Variants in DNAH9 observed in about 807,000 individuals in gnomAD.
DNAH9 encodes DNAH9 variant protein.
DNAH9 carries 345 observed loss-of-function variants against 471.6 expected under a neutral mutation model. That is an observed-to-expected ratio of 0.73 (90% CI 0.67 to 0.80). The LOEUF is 0.80. DNAH9 is among the 30% of genes least tolerant of loss of function. DNAH9 has a pLI of 0.00. For synonymous variants in DNAH9, 2,093 were observed against 2,123.6 expected, an observed-to-expected ratio of 0.99 and a Z score of 0.40; for missense variants, 5,407 against 5,609.2, an observed-to-expected ratio of 0.96 and a Z score of 1.15.
At position 11,719,503 on chromosome 17, in the gene DNAH9, C is replaced by G; in HGVS notation, c.5709+13C>G. The G allele has an allele frequency of 6.2e-7, 1 of 1,601,812 alleles. No homozygotes were observed. The highest frequency in any genetic ancestry group is 8.5e-7 in the Non-Finnish European group (1 of 1,172,936). On this transcript the variant is annotated intron_variant, in intron 27 of 68. Transcript: ENST00000262442. ...GATGGATTACAAGGTACAGTTCCAC[C>G]CGGCTTCCTGGGGGTGGGGGTGGGG...
chr17:11,894,595 C>A, intron 59 of DNAH9, 99 bp downstream of exon 59: 1 of 1,494,724 alleles, frequency 6.7e-7, no homozygotes, highest in Non-Finnish European at 9.1e-7. Flanking sequence ...TGTTGGAGTT[C>A]AAGCATGGAG....
rs757009043 is a variant in DNAH9 at position 11,763,423 on chromosome 17, C to T, written c.6996-17C>T. 5 of 1,610,908 alleles carry T rather than the reference C, an allele frequency of 3.1e-6. No individual in the cohort carries two copies. Among genetic ancestry groups the T allele is most frequent in the South Asian group, 1.1e-5 (1 of 90,638 alleles). ...ATATCCTCTGTGTTTCAGATCCCCT[C>T]GGGTCTCTCTTTGCAGGTTTAAGAA... On this transcript the variant is annotated splice_polypyrimidine_tract_variant and intron_variant, in intron 35 of 68. Transcript: ENST00000262442.
At chr17:11,786,085 G>A (rs1375539779) in intron 41 of DNAH9, among the ~76,000 whole-genome samples, 8 of 150,184 alleles carry the variant, frequency 5.3e-5, no homozygotes, top group Non-Finnish European at 3.0e-5. Context: ...TTTTTCAAAT[G>A]AAAAAAAAAA....
Position 11,763,543 on chromosome 17 carries a change from A to G in DNAH9, c.7099A>G (p.Lys2367Glu). 6.2e-7 allele frequency: 1 copy of G among 1,614,112 alleles called. No individual in the cohort carries two copies. The highest frequency in any genetic ancestry group is 8.5e-7 in the Non-Finnish European group (1 of 1,179,982). The change falls in exon 36 of 69, where the codon AAG (lysine) becomes GAG (glutamate). Residue 2367 changes from lysine to glutamate, a missense_variant. Physicochemically the swap from Lys to Glu is moderately conservative, Grantham distance 56. Transcript: ENST00000262442. ...TTEDIPADCP[K>E]EIYEHYFVFA... ...GGAGGACATCCCTGCAGACTGCCCT[A>G]AGGAAATTTATGAGCATTATTTTGT...
At chr17:11,647,487 G>T (rs1457717313) in intron 12 of DNAH9, among the ~76,000 whole-genome samples, 2 of 152,092 alleles carry the variant, frequency 1.3e-5, no homozygotes, top group Non-Finnish European at 2.9e-5. Context: ...CTGGGGTGTA[G>T]TGTTTTATTA....
chr17:11,618,756 T>C (rs12949619), intron 5 of DNAH9, among the ~76,000 whole-genome samples: 14,795 of 152,176 alleles, frequency 0.097, 1,349 homozygotes, highest in African/African-American at 0.24. Flanking sequence ...TCATGATTTC[T>C]ATCAATCATC....
At position 11,847,991 on chromosome 17, in the gene DNAH9, T is replaced by G. The variant is rs990517094; in HGVS notation, c.9508-6012T>G. Among the ~76,000 whole-genome samples the G allele has an allele frequency of 8.5e-5, 13 of 152,132 alleles. 1 individual carries two copies. The highest frequency in any genetic ancestry group is 1.9e-4 in the East Asian group (1 of 5,154). ...GGCTCTCTGTCTCTGTCTCTCCAGG[T>G]TCTGCTAACCCCTCCTCTCCCTTTT... On this transcript the variant is annotated intron_variant, in intron 49 of 68. Transcript: ENST00000262442.
At chr17:11,782,356 CA>C (rs373171341) in intron 39 of DNAH9, among the ~76,000 whole-genome samples, 13 of 152,120 alleles carry the variant, frequency 8.5e-5, no homozygotes, top group African/African-American at 3.1e-4. Context: ...TATTTCATTC[CA>C]TCTTCCCTCT....
intron 59 of DNAH9, among the ~76,000 whole-genome samples, chr17:11,901,752 A>G (rs920624899): frequency 2.6e-5 from 4 of 152,182 alleles, no homozygotes; most frequent in African/African-American, 9.7e-5. Context: ...GAGCTAAAAT[A>G]TATATCTGTC....
At chr17:11,833,600 ATTG>A (rs1230348077) in intron 48 of DNAH9, among the ~76,000 whole-genome samples, 27 of 152,144 alleles carry the variant, frequency 1.8e-4, no homozygotes, top group Admixed American at 1.8e-3. Context: ...GAAATTGTTT[ATTG>A]TTAATCAAGT....
intron 66 of DNAH9, among the ~76,000 whole-genome samples, chr17:11,941,688 A>G (rs1041670229): frequency 7.6e-5 from 11 of 144,144 alleles, no homozygotes; most frequent in Non-Finnish European, 4.6e-5. Context: ...AACTGAGTGG[A>G]TGACCGGATA....
intron 17 of DNAH9, among the ~76,000 whole-genome samples, chr17:11,671,642 G>T (rs4791473): frequency 0.78 from 118,939 of 152,064 alleles, 47,151 homozygotes; most frequent in East Asian, 1. Flanking sequence ...TAGTTGGTTT[G>T]CATATGGAAA....
chr17:11,601,779 T>A (rs1332910798), intron 1 of DNAH9, among the ~76,000 whole-genome samples: 1 of 152,074 alleles, frequency 6.6e-6, no homozygotes, highest in Non-Finnish European at 1.5e-5. Context: ...AGTCTCTGAT[T>A]ACCTGCTCCC....
In DNAH9 at chr17:11,854,431, G is replaced by A. The variant is rs1971548999; in HGVS notation, c.9933+3G>A. The A allele has an allele frequency of 3.7e-6, 6 of 1,609,382 alleles. No homozygotes were observed. Among genetic ancestry groups the A allele is most frequent in the Non-Finnish European group, 5.1e-6 (6 of 1,177,444 alleles). On this transcript the variant is annotated splice_donor_region_variant and intron_variant, in intron 50 of 68. Transcript: ENST00000262442. ...CTGCCATCAAAGCCAAGATCGCTGTGAGTGACCCCAGAGCCCCTCACCCTG... is the reference window on the plus strand; with the variant it reads ...CTGCCATCAAAGCCAAGATCGCTGTAAGTGACCCCAGAGCCCCTCACCCTG...
At chr17:11,942,896 C>CTTTTTTT (rs71142257) in intron 67 of DNAH9, among the ~76,000 whole-genome samples, 1 of 127,914 alleles carries the variant, frequency 7.8e-6, no homozygotes, top group African/African-American at 3.0e-5. Context: ...CTTGTTTTTT[C>CTTTTTTT]TTTTTTTTTT....
Position 11,698,171 on chromosome 17 carries a change from T to TAATTATATTAA in DNAH9, c.4873-1560_4873-1559insAATTATATTAA, listed in dbSNP as rs1555568204. Among the ~76,000 whole-genome samples, 3 of 8,698 alleles carry TAATTATATTAA rather than the reference T, an allele frequency of 3.4e-4. No homozygotes were observed. The Admixed American group carries it at 8.8e-3, about 26-fold the overall frequency. 5.7% of individuals were successfully genotyped at this position (8,698 alleles called of 152,430 possible). On this transcript the variant is annotated intron_variant, in intron 22 of 68. Transcript: ENST00000262442. Reference sequence around the variant, plus strand: ...ATTATATTATTAATATATTATTATATTAATATATTATTATATTAATATAAT... The same window carrying TAATTATATTAA: ...ATTATATTATTAATATATTATTATATAATTATATTAATAATATATTATTATATTAATATAAT...
In DNAH9 at chr17:11,932,607, G is replaced by C. The variant is rs1974557711; in HGVS notation, c.12297+402G>C. Among the ~76,000 whole-genome samples, 1 of 152,314 alleles carries C rather than the reference G, an allele frequency of 6.6e-6. No individual in the cohort carries two copies. Among genetic ancestry groups the C allele is most frequent in the Non-Finnish European group, 1.5e-5 (1 of 68,026 alleles). On this transcript the variant is annotated intron_variant, in intron 64 of 68. Transcript: ENST00000262442. This position sits in a 1 kb window ranked among gnomAD's most constrained non-coding sequence, Gnocchi z 4.3. ...AGGGATGATGCAGTGCTATCCTACAGAAGGGGCATGAGCACACAGAAGGGC... is the reference window on the plus strand; with the variant it reads ...AGGGATGATGCAGTGCTATCCTACACAAGGGGCATGAGCACACAGAAGGGC...
At chr17:11,838,454 C>T (rs58666134) in intron 49 of DNAH9, among the ~76,000 whole-genome samples, 5 of 151,868 alleles carry the variant, frequency 3.3e-5, no homozygotes, top group Non-Finnish European at 5.9e-5. Context: ...AACTGCCTGG[C>T]CAGGTAGGAA....
chr17:11,870,716 G>A (rs563417058), intron 51 of DNAH9, among the ~76,000 whole-genome samples: 24 of 152,202 alleles, frequency 1.6e-4, no homozygotes, highest in Admixed American at 9.2e-4. Flanking sequence ...TGAACTTAGC[G>A]CAGCCTTCTC....
Sources: allele counts gnomAD v4.1 joint callset (sites outside exome capture counted in the v4.1 genomes callset), GRCh38; gene constraint gnomAD v4.1.1; non-coding constraint Gnocchi (gnomAD v3.1); transcripts MANE v1.5; gene names NCBI Gene and HGNC (gene_info 2026-07-23, HGNC 2026-07-21).